The following RASSF4 variants were observed in gnomAD, a reference collection of about 807,000 sequenced individuals.
RASSF4 encodes ras association domain-containing protein 4.
In RASSF4, 38 loss-of-function variants were observed where a neutral mutation model predicts 41.1. That is an observed-to-expected ratio of 0.92 (90% confidence interval 0.71 to 1.21). The LOEUF is 1.21. RASSF4 is among the 50% of genes most tolerant of loss of function. The pLI, the probability that RASSF4 is intolerant of heterozygous loss-of-function variation, is 0.00. For synonymous variants in RASSF4, 179 were observed against 163.4 expected, an observed-to-expected ratio of 1.10 and a Z score of -0.73; for missense variants, 414 against 419.4, an observed-to-expected ratio of 0.99 and a Z score of 0.11.
chr10:44,965,532 G>A (rs889970476), intron 1 of RASSF4, among the ~76,000 whole-genome samples: 1 of 152,210 alleles, frequency 6.6e-6, no homozygotes, highest in Non-Finnish European at 1.5e-5. Context: ...CCCTTGCTTA[G>A]GGCCATGAAG....
intron 3 of RASSF4, chr10:44,977,337 C>A: frequency 6.6e-7 from 1 of 1,511,426 alleles, no homozygotes; most frequent in East Asian, 2.3e-5. Flanking sequence ...ATGGAGGAGA[C>A]GAGAGGAGAT....
rs968674720 is a variant in RASSF4 at position 44,995,259 on chromosome 10, C to G, written c.*1930C>G. ...AGTCTGTCCTGTGTCTAGGGGTCTTCTCATCAGGAGAAGAAGGCCAGACAC... is the reference window on the plus strand; with the variant it reads ...AGTCTGTCCTGTGTCTAGGGGTCTTGTCATCAGGAGAAGAAGGCCAGACAC... On this transcript the variant is annotated 3_prime_UTR_variant, in exon 11 of 11. Coordinates refer to ENST00000340258, the MANE Select transcript of RASSF4 (RefSeq NM_032023.4). The G allele has an allele frequency of 2.0e-5, 3 of 152,252 alleles. No individual in the cohort carries two copies. The highest frequency in any genetic ancestry group is 7.2e-5 in the African/African-American group (3 of 41,452). 9.4% of individuals were successfully genotyped at this position (152,252 alleles called of 1,614,324 possible). A position where few individuals can be genotyped will look rare whatever the true frequency, so the allele number is the denominator to read the frequency against.
At chr10:44,992,622 G>A (rs1842158895) in intron 10 of RASSF4, among the ~76,000 whole-genome samples, 1 of 152,182 alleles carries the variant, frequency 6.6e-6, no homozygotes, top group Admixed American at 6.5e-5. Context: ...TCCAGGACTT[G>A]TGGAGGGCAC....
In RASSF4 at chr10:44,971,802, A is replaced by G; in HGVS notation, c.92A>G (p.Tyr31Cys). ...GAGCTCTTAGGCCTGCTGAAAACCT[A>G]CAACTGCTACCATGAGGGCAAGAGC... is the stretch of plus-strand genomic sequence containing the variant. ...KSELLGLLKT[Y>C]NCYHEGKSFQ... Residue 31 changes from tyrosine to cysteine, a missense_variant, in exon 3 of 11, where the codon TAC becomes TGC. By Grantham distance (194) the Tyr-to-Cys change is radical (BLOSUM62 -2). Coordinates refer to ENST00000340258, the MANE Select transcript of RASSF4 (RefSeq NM_032023.4). 3 of 1,613,816 alleles carry G rather than the reference A, an allele frequency of 1.9e-6. No homozygotes were observed. The highest frequency in any genetic ancestry group is 1.7e-4 in the Middle Eastern group (1 of 6,056).
At chr10:44,978,012 G>A in intron 3 of RASSF4, 1 of 1,610,588 alleles carries the variant, frequency 6.2e-7, no homozygotes, top group Non-Finnish European at 8.5e-7. Flanking sequence ...GCCACGGAGA[G>A]CAGAAGCCGG....
intron 3 of RASSF4, among the ~76,000 whole-genome samples, chr10:44,975,214 G>A (rs576712081): frequency 6.6e-6 from 1 of 152,242 alleles, no homozygotes; most frequent in African/African-American, 2.4e-5. Context: ...CCCTGGTCCG[G>A]GGGCTCCGTC....
chr10:44,993,626 C>A lies in RASSF4; in HGVS notation c.*297C>A. The stretch of plus-strand genomic sequence containing the variant: ...CCTGCACTGGAGAGCAGTGCTGGCC[C>A]AGCCCCTGCGGCTTAGGCTTCATCT... On this transcript the variant is annotated 3_prime_UTR_variant, in exon 11 of 11. Transcript: ENST00000340258. The A allele has an allele frequency of 2.6e-6, 1 of 389,288 alleles. No individual in the cohort carries two copies. Among genetic ancestry groups the A allele is most frequent in the Admixed American group, 3.7e-5 (1 of 27,150 alleles). The allele number at this position is 389,288 out of a possible 1,614,324, so 24.1% of individuals were successfully genotyped here. A position where few individuals can be genotyped will look rare whatever the true frequency, so the allele number is the denominator to read the frequency against.
At chr10:44,977,333 G>T in intron 3 of RASSF4, 2 of 1,506,778 alleles carry the variant, frequency 1.3e-6, no homozygotes, top group Non-Finnish European at 1.8e-6. Flanking sequence ...CACCATGGAG[G>T]AGACGAGAGG....
chr10:44,966,051 A>T (rs959247960), intron 1 of RASSF4, among the ~76,000 whole-genome samples: 2 of 152,140 alleles, frequency 1.3e-5, no homozygotes, highest in Admixed American at 6.6e-5. Flanking sequence ...ACTGTCAACC[A>T]CGGCAATCCC....
intron 9 of RASSF4, 27 bp downstream of exon 9, chr10:44,991,096 C>T: frequency 3.7e-6 from 6 of 1,603,008 alleles, no homozygotes; most frequent in Non-Finnish European, 5.1e-6. Context: ...GCTGGGGAGG[C>T]CTGCTCTAGG....
intron 3 of RASSF4, among the ~76,000 whole-genome samples, chr10:44,980,551 C>A (rs373129597): frequency 6.6e-6 from 1 of 152,198 alleles, no homozygotes. Flanking sequence ...GCCAAGCCCC[C>A]GACCTTGTCC....
chr10:44,978,735 G>C (rs888402100), intron 3 of RASSF4: 1 of 152,512 alleles, frequency 6.6e-6, no homozygotes, highest in African/African-American at 2.4e-5. Flanking sequence ...AGGGGGTCCA[G>C]CGTGGGGTCG....
intron 3 of RASSF4, among the ~76,000 whole-genome samples, chr10:44,974,057 C>G (rs899655035): frequency 6.6e-6 from 1 of 152,220 alleles, no homozygotes; most frequent in Non-Finnish European, 1.5e-5. Context: ...GTCGCAATTA[C>G]CACATAAGAC....
intron 6 of RASSF4, among the ~76,000 whole-genome samples, chr10:44,985,532 G>A (rs1256440799): frequency 6.6e-6 from 1 of 152,264 alleles, no homozygotes; most frequent in Non-Finnish European, 1.5e-5. Flanking sequence ...ATGATTGGCT[G>A]TCTGGGCAAG....
intron 1 of RASSF4, among the ~76,000 whole-genome samples, chr10:44,966,755 G>A (rs1461666533): frequency 1.2e-4 from 18 of 152,124 alleles, no homozygotes. Context: ...AGAAACCTAG[G>A]TCGAATCCAG....
intron 1 of RASSF4, among the ~76,000 whole-genome samples, chr10:44,969,249 G>T (rs550462250): frequency 3.3e-5 from 5 of 152,250 alleles, no homozygotes; most frequent in South Asian, 2.1e-4. Flanking sequence ...ATGCCAACAG[G>T]TTCGAGAAAG....
Position 44,970,346 on chromosome 10 carries a change from G to A in RASSF4, c.62+82G>A, listed in dbSNP as rs184237241. ...TCCTGGGCAGCCTTTAGGTGGAGGG[G>A]TTCTGAGCACTTGTTCAGAGATCTG... On this transcript the variant is annotated intron_variant, in intron 2 of 10. Coordinates refer to ENST00000340258, the MANE Select transcript of RASSF4 (RefSeq NM_032023.4). 2.5e-3 allele frequency: 2,904 copies of A among 1,150,818 alleles called. 87 individuals are homozygous for A. In the Admixed American group the frequency reaches 0.045, roughly 18 times the overall value. The allele number at this position is 1,150,818 out of a possible 1,614,324, so 71.3% of individuals were successfully genotyped here. A position where few individuals can be genotyped will look rare whatever the true frequency, so the allele number is the denominator to read the frequency against.
intron 2 of RASSF4, chr10:44,971,551 C>T: frequency 1.5e-6 from 1 of 675,112 alleles, no homozygotes; most frequent in Non-Finnish European, 2.7e-6. Context: ...TGAGTCTCGC[C>T]TCCTCCTCAG....
At chr10:44,984,752 G>A in intron 5 of RASSF4, 61 bp from the exon 6 acceptor site, 1 of 1,584,354 alleles carries the variant, frequency 6.3e-7, no homozygotes, top group Non-Finnish European at 8.6e-7. Context: ...TCTCCCGACA[G>A]CAGGCAGTTG....
Sources: allele counts gnomAD v4.1 joint callset (sites outside exome capture counted in the v4.1 genomes callset), GRCh38; gene constraint gnomAD v4.1.1; transcripts MANE v1.5; gene names NCBI Gene and HGNC (gene_info 2026-07-23, HGNC 2026-07-21).